NCKAP5: variants seen among roughly 807,000 people sequenced by gnomAD.
NCKAP5 encodes nck-associated protein 5.
A neutral mutation model predicts 167.0 loss-of-function variants in NCKAP5; 92 were observed. The observed-to-expected ratio is 0.55, with a 90% CI of 0.47 to 0.66. The LOEUF (loss-of-function observed/expected upper bound fraction) is 0.66, where lower values mean the gene tolerates loss of function less well. NCKAP5 is among the 30% of genes least tolerant of loss of function. The pLI, the probability that NCKAP5 is intolerant of heterozygous loss-of-function variation, is 0.00. For missense variants in NCKAP5, 2,378 were observed against 2,315.0 expected, an observed-to-expected ratio of 1.03 and a Z score of -0.56; for synonymous variants, 891 against 877.4, an observed-to-expected ratio of 1.02 and a Z score of -0.27.
At chr2:133,634,443 G>A in the NCKAP5 span, among the ~76,000 whole-genome samples, 4 of 152,172 alleles carry the variant, frequency 2.6e-5, no homozygotes, top group South Asian at 2.1e-4. Context: ...CATACTCTAC[G>A]CTAATAAACT....
the NCKAP5 span, among the ~76,000 whole-genome samples, chr2:133,666,517 C>A: frequency 6.6e-6 from 1 of 151,860 alleles, no homozygotes; most frequent in Non-Finnish European, 1.5e-5. Flanking sequence ...TTTTTAATGG[C>A]TGCACACTAT....
At chr2:132,747,165 G>T (rs1679718041) in intron 16 of NCKAP5, among the ~76,000 whole-genome samples, 1 of 131,580 alleles carries the variant, frequency 7.6e-6, no homozygotes, top group Non-Finnish European at 1.7e-5. Flanking sequence ...TTTATACTCA[G>T]CCTGCCAAAA....
chr2:133,214,540 T>C (rs1475495389), intron 4 of NCKAP5, among the ~76,000 whole-genome samples: 1 of 152,228 alleles, frequency 6.6e-6, no homozygotes, highest in Non-Finnish European at 1.5e-5. Flanking sequence ...GGTTCATTTT[T>C]AGATCCCTTA....
chr2:133,629,172 A>T, the NCKAP5 span, among the ~76,000 whole-genome samples: 3 of 152,202 alleles, frequency 2.0e-5, no homozygotes, highest in South Asian at 4.1e-4. Context: ...CTGAACCACA[A>T]AAGAAACTAT....
chr2:133,215,773 A>AT (rs1466658508), intron 4 of NCKAP5, among the ~76,000 whole-genome samples: 1 of 152,170 alleles, frequency 6.6e-6, no homozygotes, highest in Admixed American at 6.5e-5. Context: ...CAAAACTCCT[A>AT]TACCATTTGA....
chr2:133,488,428 C>G (rs1301766178), intron 3 of NCKAP5, among the ~76,000 whole-genome samples: 2 of 152,146 alleles, frequency 1.3e-5, no homozygotes, highest in South Asian at 2.1e-4. Context: ...CTAATGTAGA[C>G]CAATTAGTGA....
intron 3 of NCKAP5, among the ~76,000 whole-genome samples, chr2:133,478,594 G>T (rs1680152299): frequency 6.6e-6 from 1 of 152,158 alleles, no homozygotes; most frequent in Admixed American, 6.5e-5. Context: ...AAACAGCCAA[G>T]GCTCATGCAG....
chr2:133,177,716 G>A (rs1158413041), intron 5 of NCKAP5, among the ~76,000 whole-genome samples: 1 of 152,108 alleles, frequency 6.6e-6, no homozygotes, highest in Non-Finnish European at 1.5e-5. Flanking sequence ...CATGGGAGTG[G>A]TATCAGGGAA....
chr2:132,795,858 T>C (rs1372526965), intron 12 of NCKAP5, among the ~76,000 whole-genome samples: 5 of 130,544 alleles, frequency 3.8e-5, no homozygotes, highest in African/African-American at 1.3e-4. Context: ...CAAAAGAGAA[T>C]GAAGCCCAGA....
At chr2:133,127,925 G>A (rs1402626719) in intron 6 of NCKAP5, among the ~76,000 whole-genome samples, 1 of 152,166 alleles carries the variant, frequency 6.6e-6, no homozygotes, top group Non-Finnish European at 1.5e-5. Flanking sequence ...TATAGCACCT[G>A]TGTATTATCA....
chr2:133,559,383 A>G (rs1687998275), intron 1 of NCKAP5, among the ~76,000 whole-genome samples: 1 of 152,206 alleles, frequency 6.6e-6, no homozygotes, highest in African/African-American at 2.4e-5. Flanking sequence ...CAGTGGTGCA[A>G]TCAGGGCTTA....
chr2:132,994,563 C>T (rs1365832053), intron 6 of NCKAP5, among the ~76,000 whole-genome samples: 1 of 152,144 alleles, frequency 6.6e-6, no homozygotes, highest in East Asian at 1.9e-4. Context: ...CATCAATCTT[C>T]CCAAAAAACC....
chr2:133,151,165 G>T (rs1219970635), intron 5 of NCKAP5, among the ~76,000 whole-genome samples: 3 of 152,060 alleles, frequency 2.0e-5, no homozygotes, highest in African/African-American at 7.2e-5. Flanking sequence ...TTTTCTGTAT[G>T]TACATTATAC....
intron 6 of NCKAP5, among the ~76,000 whole-genome samples, chr2:133,098,687 A>G (rs1304880931): frequency 6.6e-6 from 1 of 152,222 alleles, no homozygotes; most frequent in Non-Finnish European, 1.5e-5. Flanking sequence ...TATTTAAATA[A>G]TACAGCCATG....
At chr2:133,123,780 T>G in intron 6 of NCKAP5, 2 of 471,220 alleles carry the variant, frequency 4.2e-6, no homozygotes, top group Non-Finnish European at 8.8e-6. Flanking sequence ...TTTTCTCATC[T>G]TGTTACATTT....
At chr2:133,518,765 T>C (rs1002924867) in intron 2 of NCKAP5, among the ~76,000 whole-genome samples, 1 of 152,168 alleles carries the variant, frequency 6.6e-6, no homozygotes, top group African/African-American at 2.4e-5. Flanking sequence ...AAATGATGTA[T>C]GGGAATATGA....
intron 4 of NCKAP5, among the ~76,000 whole-genome samples, chr2:133,276,197 C>T (rs1321862215): frequency 2.0e-5 from 3 of 152,058 alleles, no homozygotes; most frequent in Non-Finnish European, 4.4e-5. Flanking sequence ...TCTTGTAAGA[C>T]TGCAGTATAT....
intron 4 of NCKAP5, among the ~76,000 whole-genome samples, chr2:133,291,816 C>T (rs534338926): frequency 1.4e-4 from 21 of 152,338 alleles, no homozygotes; most frequent in Admixed American, 1.3e-4. Context: ...GCTCTACCAA[C>T]GACTTTTCAT....
chr2:132,862,925 G>A (rs188416530), intron 10 of NCKAP5, among the ~76,000 whole-genome samples: 18 of 152,076 alleles, frequency 1.2e-4, no homozygotes, highest in African/African-American at 3.4e-4. Context: ...GGGTTCAGGC[G>A]ATTCTTCTAC....
Sources: gnomAD v4.1 joint callset for allele counts (sites outside exome capture counted in the v4.1 genomes callset) on GRCh38, gnomAD v4.1.1 for gene constraint, MANE v1.5 for transcripts, NCBI Gene and HGNC (gene_info 2026-07-23, HGNC 2026-07-21) for gene names.